The following SLIT3 variants were observed in gnomAD, a reference collection of about 807,000 sequenced individuals.
SLIT3 encodes the protein slit homolog 3 protein.
A neutral mutation model predicts 184.0 loss-of-function variants in SLIT3; 68 were observed. That is an observed-to-expected ratio of 0.37 (90% CI 0.30 to 0.45). The LOEUF (loss-of-function observed/expected upper bound fraction) is 0.45, where lower values mean the gene tolerates loss of function less well. Among genes scored for constraint, SLIT3 ranks in the 20% least tolerant of loss-of-function variants. The probability of loss-of-function intolerance (pLI) is 1.00; values close to 1 mark genes in which losing one functional copy is unlikely to be tolerated. For synonymous variants in SLIT3, 831 were observed against 828.6 expected (o/e 1.00, Z -0.05); for missense variants, 1,707 against 2,026.0 (o/e 0.84, Z 3.02).
chr5:169,131,752 C>T (rs531107966), intron 4 of SLIT3, among the ~76,000 whole-genome samples: 2 of 152,308 alleles, frequency 1.3e-5, no homozygotes, highest in Non-Finnish European at 2.9e-5. Context: ...CATTCATAAC[C>T]CGATTCTTCC....
At chr5:169,283,575 G>A (rs536911486) in intron 1 of SLIT3, among the ~76,000 whole-genome samples, 1 of 152,172 alleles carries the variant, frequency 6.6e-6, no homozygotes, top group Non-Finnish European at 1.5e-5. Context: ...AAGAAAGGCT[G>A]CTGCTAGGAA....
At chr5:169,054,009 T>C (rs1757902498) in intron 4 of SLIT3, among the ~76,000 whole-genome samples, 1 of 151,932 alleles carries the variant, frequency 6.6e-6, no homozygotes, top group East Asian at 1.9e-4. Context: ...GAGAATCTCT[T>C]GAACCCGGGA....
intron 3 of SLIT3, among the ~76,000 whole-genome samples, chr5:169,239,827 A>C (rs1193205081): frequency 6.6e-6 from 1 of 152,030 alleles, no homozygotes; most frequent in East Asian, 1.9e-4. Context: ...CTTTGTAAGG[A>C]GGATATTTTA....
Position 169,025,996 on chromosome 5 carries a change from A to C in SLIT3, c.414-142660T>G, listed in dbSNP as rs1581321542. ...GGCTAATTTCCCAAATCCCCCAATC[A>C]CCAGCCTGTCTCCTCTCCCCATGCT... On this transcript the variant is annotated intron_variant, in intron 4 of 35. Transcript: ENST00000519560. Among the ~76,000 whole-genome samples the C allele has an allele frequency of 2.0e-5, 3 of 152,124 alleles. No homozygotes were observed. In the East Asian group the frequency reaches 5.8e-4, roughly 29 times the overall value.
intron 4 of SLIT3, among the ~76,000 whole-genome samples, chr5:169,178,319 G>C (rs1002058855): frequency 6.6e-6 from 1 of 152,206 alleles, no homozygotes; most frequent in Non-Finnish European, 1.5e-5. Context: ...TGAGTGCTGA[G>C]GTTTGTGAGT....
chr5:169,190,169 G>T (rs990393774), intron 4 of SLIT3, among the ~76,000 whole-genome samples: 1 of 152,178 alleles, frequency 6.6e-6, no homozygotes, highest in Non-Finnish European at 1.5e-5. Context: ...ACCAAGCATT[G>T]GTTGGCTGGG....
At chr5:168,695,845 A>T (rs1762048196) in intron 28 of SLIT3, among the ~76,000 whole-genome samples, 1 of 152,164 alleles carries the variant, frequency 6.6e-6, no homozygotes. Flanking sequence ...ACCTGACTAT[A>T]AACTTCTTAT....
chr5:169,011,021 G>A (rs1756122994), intron 4 of SLIT3, among the ~76,000 whole-genome samples: 2 of 152,112 alleles, frequency 1.3e-5, no homozygotes, highest in Non-Finnish European at 2.9e-5. Flanking sequence ...AGAAATGTGG[G>A]TCTAATTATT....
chr5:169,181,550 G>A (rs993584644), intron 4 of SLIT3, among the ~76,000 whole-genome samples: 2 of 152,022 alleles, frequency 1.3e-5, no homozygotes, highest in Admixed American at 1.3e-4. Context: ...GACCATCCTG[G>A]CCAACATGGT....
chr5:169,203,762 A>G (rs1763978792), intron 3 of SLIT3, among the ~76,000 whole-genome samples: 1 of 152,172 alleles, frequency 6.6e-6, no homozygotes, highest in Admixed American at 6.5e-5. Context: ...GATTGGAGGC[A>G]AGGCAAGAGA....
chr5:169,136,369 G>A (rs1761502462), intron 4 of SLIT3, among the ~76,000 whole-genome samples: 1 of 152,130 alleles, frequency 6.6e-6, no homozygotes, highest in African/African-American at 2.4e-5. Context: ...ATCTCCCACA[G>A]ACCCACACAG....
At chr5:168,831,661 C>T (rs774580830) in intron 6 of SLIT3, among the ~76,000 whole-genome samples, 1 of 152,050 alleles carries the variant, frequency 6.6e-6, no homozygotes, top group Non-Finnish European at 1.5e-5. Flanking sequence ...TGATTTGGCA[C>T]CGGGTGAGCG....
At chr5:168,762,997 T>C (rs141923515) in intron 14 of SLIT3, among the ~76,000 whole-genome samples, 13 of 152,306 alleles carry the variant, frequency 8.5e-5, no homozygotes, top group African/African-American at 2.6e-4. Flanking sequence ...ATGAAAGTTA[T>C]GAATGTTCTC....
At chr5:169,297,350 A>G (rs898809881) in intron 1 of SLIT3, among the ~76,000 whole-genome samples, 3 of 152,212 alleles carry the variant, frequency 2.0e-5, no homozygotes, top group African/African-American at 7.2e-5. Context: ...ATTATGAACA[A>G]TTGAGGCCCC....
chr5:168,922,736 C>G (rs1761679996), intron 4 of SLIT3, among the ~76,000 whole-genome samples: 12 of 152,094 alleles, frequency 7.9e-5, no homozygotes, highest in Admixed American at 7.9e-4. Flanking sequence ...GAAGCTTGAT[C>G]AGGCAGTGAT....
At chr5:168,963,774 G>A (rs1763093349) in intron 4 of SLIT3, among the ~76,000 whole-genome samples, 1 of 152,206 alleles carries the variant, frequency 6.6e-6, no homozygotes. Flanking sequence ...ATGACCAAGA[G>A]GCTGACCTTC....
rs17667773 is a variant in SLIT3 at position 169,183,375 on chromosome 5, G to T, written c.413+10104C>A. On this transcript the variant is annotated intron_variant, in intron 4 of 35. Coordinates refer to ENST00000519560, the MANE Select transcript of SLIT3 (RefSeq NM_003062.4). Reference sequence around the variant, plus strand: ...AGGTGAGCTTGTCTTGCCATCAGCTGTTCAATGTACCACCATGGCCAAGAT... The same window carrying T: ...AGGTGAGCTTGTCTTGCCATCAGCTTTTCAATGTACCACCATGGCCAAGAT... Among the ~76,000 whole-genome samples, 2,949 of 152,322 alleles carry T rather than the reference G, an allele frequency of 0.019. 174 individuals carry two copies. In the East Asian group the frequency reaches 0.22, roughly 12 times the overall value.
intron 3 of SLIT3, among the ~76,000 whole-genome samples, chr5:169,243,447 T>G (rs1235398157): frequency 6.6e-6 from 1 of 152,172 alleles, no homozygotes; most frequent in East Asian, 1.9e-4. Flanking sequence ...ATAATTATTT[T>G]CCCTTGCAAG....
chr5:169,257,270 C>T (rs1013599922), intron 1 of SLIT3, among the ~76,000 whole-genome samples: 7 of 152,072 alleles, frequency 4.6e-5, no homozygotes, highest in African/African-American at 1.2e-4. Flanking sequence ...TCAGTAGATA[C>T]ACTGGAGGAT....
Sources: allele counts gnomAD v4.1 joint callset (sites outside exome capture counted in the v4.1 genomes callset), GRCh38; gene constraint gnomAD v4.1.1; transcripts MANE v1.5; gene names NCBI Gene and HGNC (gene_info 2026-07-23, HGNC 2026-07-21).